The following SCFD2 variants were observed in gnomAD, a reference collection of about 807,000 sequenced individuals.
SCFD2 encodes the protein sec1 family domain containing 2.
Under a neutral mutation model 58.9 loss-of-function variants are expected in SCFD2, and 54 were observed. That is an observed-to-expected ratio of 0.92 (90% CI 0.74 to 1.15). The LOEUF (loss-of-function observed/expected upper bound fraction) is 1.15, where lower values mean the gene tolerates loss of function less well. Among genes scored for constraint, SCFD2 ranks in the 50% most tolerant of loss-of-function variants. SCFD2 has a pLI of 0.00. For missense variants in SCFD2, 805 were observed against 836.6 expected (o/e 0.96, Z 0.47); for synonymous variants, 321 against 335.9 (o/e 0.96, Z 0.49).
chr4:52,977,326 T>C (rs796102660), intron 5 of SCFD2, among the ~76,000 whole-genome samples: 19 of 152,316 alleles, frequency 1.2e-4, no homozygotes, highest in African/African-American at 4.1e-4. Context: ...TTTCTAAATC[T>C]GAACAATTGC....
chr4:53,052,144 C>A (rs1723205043), intron 5 of SCFD2, among the ~76,000 whole-genome samples: 1 of 152,062 alleles, frequency 6.6e-6, no homozygotes, highest in Admixed American at 6.6e-5. Flanking sequence ...CTTCATGCTG[C>A]AAGACCACAC....
At chr4:52,890,041 C>A (rs996597934) in intron 7 of SCFD2, among the ~76,000 whole-genome samples, 1 of 152,198 alleles carries the variant, frequency 6.6e-6, no homozygotes, top group Non-Finnish European at 1.5e-5. Flanking sequence ...AGGAAAGGCC[C>A]TTCTTTTCTT....
chr4:53,329,460 G>A lies in SCFD2; in HGVS notation c.1008-15697C>T, dbSNP rs1481664365. Among the ~76,000 whole-genome samples the A allele has an allele frequency of 2.6e-5, 4 of 151,440 alleles. No individual in the cohort carries two copies. The East Asian group carries it at 7.8e-4, about 30-fold the overall frequency. Reference sequence around the variant, plus strand: ...CCCCTGACCCCCGAGCAGCCTAACTGGGAGGCACCCCCCAGCAGGGGCACA... The same window carrying A: ...CCCCTGACCCCCGAGCAGCCTAACTAGGAGGCACCCCCCAGCAGGGGCACA... On this transcript the variant is annotated intron_variant, in intron 2 of 8. Transcript: ENST00000401642.
At chr4:53,023,385 G>A (rs1263540697) in intron 5 of SCFD2, among the ~76,000 whole-genome samples, 1 of 152,020 alleles carries the variant, frequency 6.6e-6, no homozygotes, top group Non-Finnish European at 1.5e-5. Context: ...AAGGAATCAT[G>A]AACCCATGTG....
At chr4:52,972,487 C>T (rs1045138455) in intron 5 of SCFD2, among the ~76,000 whole-genome samples, 1 of 152,148 alleles carries the variant, frequency 6.6e-6, no homozygotes, top group South Asian at 2.1e-4. Context: ...TATATATGCA[C>T]CCAATACAGG....
chr4:53,183,940 A>G (rs969914537), intron 4 of SCFD2, among the ~76,000 whole-genome samples: 32 of 152,182 alleles, frequency 2.1e-4, no homozygotes, highest in African/African-American at 6.5e-4. Context: ...GAGCAAGCAC[A>G]TACAACAGTT....
At chr4:52,925,854 G>C (rs1170972926) in intron 5 of SCFD2, among the ~76,000 whole-genome samples, 1 of 152,124 alleles carries the variant, frequency 6.6e-6, no homozygotes, top group Non-Finnish European at 1.5e-5. Flanking sequence ...ATAACCGGGG[G>C]ATGACTCATG....
At chr4:53,277,297 A>G (rs1222236075) in intron 3 of SCFD2, among the ~76,000 whole-genome samples, 3 of 152,248 alleles carry the variant, frequency 2.0e-5, no homozygotes, top group Non-Finnish European at 2.9e-5. Context: ...GACATCTATT[A>G]TATTAAATAT....
At chr4:53,104,751 G>C (rs1359565932) in intron 5 of SCFD2, among the ~76,000 whole-genome samples, 1 of 152,210 alleles carries the variant, frequency 6.6e-6, no homozygotes, top group Non-Finnish European at 1.5e-5. Context: ...TGAACAGCTT[G>C]TGCTAATCAT....
At chr4:53,054,651 T>G (rs1024800674) in intron 5 of SCFD2, among the ~76,000 whole-genome samples, 22 of 152,094 alleles carry the variant, frequency 1.4e-4, no homozygotes, top group East Asian at 3.9e-4. Context: ...AGAGTTTTTT[T>G]TTTGTTTGTT....
At chr4:53,250,610 A>G (rs1370389527) in intron 4 of SCFD2, among the ~76,000 whole-genome samples, 1 of 152,260 alleles carries the variant, frequency 6.6e-6, no homozygotes, top group East Asian at 1.9e-4. Flanking sequence ...CTGCTCAACT[A>G]CATGGAAACT....
chr4:53,310,441 C>T (rs1732656210), intron 3 of SCFD2, among the ~76,000 whole-genome samples: 1 of 152,192 alleles, frequency 6.6e-6, no homozygotes, highest in South Asian at 2.1e-4. Flanking sequence ...TAAAATGTAT[C>T]AGCGTTTGAG....
intron 4 of SCFD2, among the ~76,000 whole-genome samples, chr4:53,179,312 C>T (rs1727459831): frequency 6.6e-6 from 1 of 152,192 alleles, no homozygotes; most frequent in South Asian, 2.1e-4. Flanking sequence ...TCGGCAGAAA[C>T]TCTACAAGCC....
intron 6 of SCFD2, among the ~76,000 whole-genome samples, chr4:52,908,702 C>T (rs1719409240): frequency 6.6e-6 from 1 of 151,964 alleles, no homozygotes. Context: ...TTCCAATTTT[C>T]TTGTTTTAAA....
intron 3 of SCFD2, among the ~76,000 whole-genome samples, chr4:53,300,120 G>A (rs1732220030): frequency 6.6e-6 from 1 of 152,092 alleles, no homozygotes; most frequent in Non-Finnish European, 1.5e-5. Context: ...AATGTAAATG[G>A]GCTAAATGCT....
intron 3 of SCFD2, among the ~76,000 whole-genome samples, chr4:53,298,450 G>T (rs1352577192): frequency 6.6e-6 from 1 of 152,222 alleles, no homozygotes; most frequent in African/African-American, 2.4e-5. Context: ...CGGCCAGGAA[G>T]CTCGAACTGG....
chr4:53,255,670 G>A (rs13130516), intron 4 of SCFD2, among the ~76,000 whole-genome samples: 9 of 152,122 alleles, frequency 5.9e-5, no homozygotes, highest in East Asian at 1.9e-4. Flanking sequence ...CCTTTCCCCC[G>A]TTTCTATTCC....
At chr4:53,272,581 C>A (rs1180241519) in intron 4 of SCFD2, among the ~76,000 whole-genome samples, 3 of 152,004 alleles carry the variant, frequency 2.0e-5, no homozygotes. Context: ...AACCATCATT[C>A]TCAGCAAACT....
intron 5 of SCFD2, among the ~76,000 whole-genome samples, chr4:53,132,746 T>C (rs926100533): frequency 1.3e-5 from 2 of 152,214 alleles, no homozygotes; most frequent in African/African-American, 4.8e-5. Flanking sequence ...AAGCTGGTGA[T>C]GGACGTGTAG....
Sources: gnomAD v4.1 joint callset for allele counts (sites outside exome capture counted in the v4.1 genomes callset) on GRCh38, gnomAD v4.1.1 for gene constraint, MANE v1.5 for transcripts, NCBI Gene and HGNC (gene_info 2026-07-23, HGNC 2026-07-21) for gene names.